The following GPC6 variants were observed in gnomAD, a reference collection of about 807,000 sequenced individuals.
GPC6 encodes the protein glypican 6.
A neutral mutation model predicts 55.2 loss-of-function variants in GPC6; 14 were observed. The observed-to-expected ratio is 0.25, with a 90% CI of 0.17 to 0.40. The LOEUF is 0.40. Ranked by LOEUF, GPC6 falls within the 10% of genes least tolerant of loss-of-function variation. The pLI is 1.00. For synonymous variants in GPC6, 278 were observed against 259.6 expected (o/e 1.07, Z -0.68); for missense variants, 641 against 708.5 (o/e 0.90, Z 1.08).
At chr13:94,187,150 T>C (rs907206711) in intron 4 of GPC6, 3 of 152,044 alleles carry the variant, frequency 2.0e-5, no homozygotes, top group African/African-American at 2.4e-5. Context: ...AGGAAGAAAG[T>C]TTTTATTCTT....
chr13:94,037,808 A>G (rs1883392271), intron 4 of GPC6, among the ~76,000 whole-genome samples: 1 of 151,940 alleles, frequency 6.6e-6, no homozygotes, highest in Non-Finnish European at 1.5e-5. Flanking sequence ...ATTGGAAGAA[A>G]TTGAGAATCT....
intron 2 of GPC6, among the ~76,000 whole-genome samples, chr13:93,789,595 CTACATA>C (rs1885942183): frequency 1.8e-5 from 1 of 54,204 alleles, no homozygotes; most frequent in African/African-American, 7.4e-5. Context: ...ATATATAATA[CTACATA>C]TATATATATA....
chr13:93,934,531 A>G (rs191057669), intron 3 of GPC6, among the ~76,000 whole-genome samples: 5 of 152,288 alleles, frequency 3.3e-5, no homozygotes, highest in Admixed American at 3.3e-4. Context: ...TGTTGCAACC[A>G]CCACCTCTAC....
At chr13:93,905,118 G>C (rs543433653) in intron 3 of GPC6, among the ~76,000 whole-genome samples, 59 of 148,766 alleles carry the variant, frequency 4.0e-4, no homozygotes, top group African/African-American at 1.5e-3. Context: ...TCCAGATTGA[G>C]GGAAACTTTC....
At chr13:94,354,869 G>A (rs1210954010) in intron 6 of GPC6, among the ~76,000 whole-genome samples, 1 of 152,170 alleles carries the variant, frequency 6.6e-6, no homozygotes, top group African/African-American at 2.4e-5. Context: ...TGGGGATGAC[G>A]GTGATGATGA....
At chr13:93,462,235 G>C (rs1452350681) in intron 1 of GPC6, among the ~76,000 whole-genome samples, 1 of 152,084 alleles carries the variant, frequency 6.6e-6, no homozygotes, top group Non-Finnish European at 1.5e-5. Context: ...CATCATCCTT[G>C]AAAAGATCTT....
intron 1 of GPC6, among the ~76,000 whole-genome samples, chr13:93,452,062 G>A (rs2139302650): frequency 6.6e-6 from 1 of 152,234 alleles, no homozygotes; most frequent in East Asian, 1.9e-4. Context: ...AATATTTTAT[G>A]TTACAGTAAA....
chr13:93,654,255 CTATT>C (rs1222337571), intron 2 of GPC6, among the ~76,000 whole-genome samples: 2 of 151,846 alleles, frequency 1.3e-5, no homozygotes, highest in East Asian at 1.9e-4. Context: ...ATTATTATTA[CTATT>C]TATTTATTTT....
intron 1 of GPC6, among the ~76,000 whole-genome samples, chr13:93,543,061 G>T (rs75423799): frequency 6.6e-6 from 1 of 152,068 alleles, no homozygotes; most frequent in South Asian, 2.1e-4. Flanking sequence ...CCGACACTAT[G>T]TTGAATAGGA....
chr13:93,316,190 A>G (rs921078026), intron 1 of GPC6, among the ~76,000 whole-genome samples: 2 of 152,080 alleles, frequency 1.3e-5, no homozygotes, highest in African/African-American at 4.8e-5. Context: ...TGTAACCTTC[A>G]TTTGATGAAC....
chr13:94,185,559 G>A (rs1418558287), intron 4 of GPC6, among the ~76,000 whole-genome samples: 1 of 151,198 alleles, frequency 6.6e-6, no homozygotes, highest in Non-Finnish European at 1.5e-5. Flanking sequence ...TAGCCATTGG[G>A]GATAATAGAA....
chr13:94,049,016 G>A (rs1026403273), intron 4 of GPC6, among the ~76,000 whole-genome samples: 16 of 152,028 alleles, frequency 1.1e-4, no homozygotes, highest in Admixed American at 1.0e-3. Flanking sequence ...GCTGAGGCAG[G>A]AGGATCACTT....
chr13:94,284,628 A>C (rs951115822), intron 4 of GPC6, among the ~76,000 whole-genome samples: 1 of 152,008 alleles, frequency 6.6e-6, no homozygotes, highest in Non-Finnish European at 1.5e-5. Context: ...ACAAAAACCT[A>C]TGTATCATTA....
At chr13:94,036,540 G>A (rs1239432624) in intron 4 of GPC6, among the ~76,000 whole-genome samples, 1 of 151,938 alleles carries the variant, frequency 6.6e-6, no homozygotes, top group Non-Finnish European at 1.5e-5. Context: ...GCCAAATAAG[G>A]CTGTCAATAT....
chr13:93,853,460 T>A (rs17253262), intron 3 of GPC6, among the ~76,000 whole-genome samples: 5,606 of 151,700 alleles, frequency 0.037, 286 homozygotes, highest in East Asian at 0.17. Flanking sequence ...CATTTGCAAG[T>A]CTTTAATCAA....
intron 4 of GPC6, among the ~76,000 whole-genome samples, chr13:94,158,213 C>G (rs999576672): frequency 5.9e-5 from 9 of 151,952 alleles, no homozygotes; most frequent in Non-Finnish European, 1.2e-4. Flanking sequence ...TTATCAAGAG[C>G]CTTTTCAGTG....
intron 1 of GPC6, among the ~76,000 whole-genome samples, chr13:93,314,267 T>G (rs559209337): frequency 2.8e-4 from 43 of 152,264 alleles, no homozygotes; most frequent in African/African-American, 9.4e-4. Context: ...ACTTGACACA[T>G]GCTTTCAAAC....
chr13:93,902,316 G>T (rs1260180682), intron 3 of GPC6, among the ~76,000 whole-genome samples: 1 of 151,918 alleles, frequency 6.6e-6, no homozygotes, highest in Non-Finnish European at 1.5e-5. Context: ...TTGTCTTTCT[G>T]TGCCTACTTT....
At chr13:94,268,207 T>C (rs531518156) in intron 4 of GPC6, among the ~76,000 whole-genome samples, 14 of 152,328 alleles carry the variant, frequency 9.2e-5, no homozygotes, top group African/African-American at 3.1e-4. Flanking sequence ...ATTCAGAGCT[T>C]CATAGACTTT....
Sources: gnomAD v4.1 joint callset for allele counts (sites outside exome capture counted in the v4.1 genomes callset) on GRCh38, gnomAD v4.1.1 for gene constraint, MANE v1.5 for transcripts, NCBI Gene and HGNC (gene_info 2026-07-23, HGNC 2026-07-21) for gene names.